CLSTN2: variants seen among roughly 807,000 people sequenced by gnomAD.
CLSTN2 encodes calsyntenin-2.
In CLSTN2, 48 loss-of-function variants were observed where a neutral mutation model predicts 101.2. The observed-to-expected ratio is 0.47, with a 90% CI of 0.38 to 0.60. The LOEUF (loss-of-function observed/expected upper bound fraction) is 0.60, where lower values mean the gene tolerates loss of function less well. Among genes scored for constraint, CLSTN2 ranks in the 20% least tolerant of loss-of-function variants. The pLI is 0.00. For synonymous variants in CLSTN2, 481 were observed against 463.6 expected (o/e 1.04, Z -0.48); for missense variants, 1,160 against 1,238.2 (o/e 0.94, Z 0.95).
Position 140,128,997 on chromosome 3 carries a change from A to G in CLSTN2, c.110-46954A>G, listed in dbSNP as rs371524468. Among the ~76,000 whole-genome samples the G allele has an allele frequency of 4.6e-5, 7 of 152,294 alleles. No homozygotes were observed. The South Asian group carries it at 8.3e-4, about 18-fold the overall frequency. ...GGGGTAGAGTCAATAGTGTTTCGAC[A>G]GTTAGGAGATCAGGAGTGTGAACAT... On this transcript the variant is annotated intron_variant, in intron 1 of 16. Coordinates refer to ENST00000458420, the MANE Select transcript of CLSTN2 (RefSeq NM_022131.3).
intron 2 of CLSTN2, among the ~76,000 whole-genome samples, chr3:140,220,820 A>T (rs578035507): frequency 1.3e-5 from 2 of 152,356 alleles, no homozygotes; most frequent in South Asian, 4.1e-4. Flanking sequence ...CAGAGAAGGA[A>T]AGGAGAGTGA....
chr3:140,132,024 A>G (rs1475219449), intron 1 of CLSTN2, among the ~76,000 whole-genome samples: 1 of 152,232 alleles, frequency 6.6e-6, no homozygotes, highest in Non-Finnish European at 1.5e-5. Context: ...AACAACCCCC[A>G]AAGTAATAAG....
chr3:140,482,209 T>C (rs2107752225), intron 8 of CLSTN2, among the ~76,000 whole-genome samples: 1 of 152,350 alleles, frequency 6.6e-6, no homozygotes, highest in Middle Eastern at 3.4e-3. Context: ...GAGATAATCA[T>C]GTGGTTTTTG....
intron 2 of CLSTN2, among the ~76,000 whole-genome samples, chr3:140,230,024 C>T (rs922729756): frequency 3.3e-5 from 5 of 152,116 alleles, no homozygotes; most frequent in East Asian, 3.9e-4. Context: ...TCTGTCTTCT[C>T]TAGTAGCCTG....
intron 8 of CLSTN2, among the ~76,000 whole-genome samples, chr3:140,522,364 T>C (rs1467726704): frequency 6.6e-6 from 1 of 152,214 alleles, no homozygotes; most frequent in Non-Finnish European, 1.5e-5. Context: ...TTACTAGTGT[T>C]TAAATTAGTG....
At chr3:140,089,034 G>A (rs1180407594) in intron 1 of CLSTN2, among the ~76,000 whole-genome samples, 2 of 152,136 alleles carry the variant, frequency 1.3e-5, no homozygotes, top group Admixed American at 6.5e-5. Flanking sequence ...ACATTAAAAT[G>A]GAACTAAAAA....
At chr3:139,955,100 A>G (rs1457564527) in intron 1 of CLSTN2, among the ~76,000 whole-genome samples, 2 of 131,008 alleles carry the variant, frequency 1.5e-5, no homozygotes, top group African/African-American at 2.7e-5. Context: ...ACATGTATAT[A>G]TGGCAATATT....
chr3:140,067,096 T>C (rs1433990151), intron 1 of CLSTN2, among the ~76,000 whole-genome samples: 1 of 152,152 alleles, frequency 6.6e-6, no homozygotes, highest in African/African-American at 2.4e-5. Flanking sequence ...AGAAGTCTTA[T>C]TCACTCAAAG....
At chr3:140,314,439 C>T (rs2087207348) in intron 2 of CLSTN2, among the ~76,000 whole-genome samples, 2 of 152,104 alleles carry the variant, frequency 1.3e-5, no homozygotes, top group African/African-American at 2.4e-5. Flanking sequence ...GTCCTGCTCC[C>T]GTTATACTGG....
chr3:140,336,660 G>A (rs1441390573), intron 2 of CLSTN2, among the ~76,000 whole-genome samples: 1 of 152,234 alleles, frequency 6.6e-6, no homozygotes, highest in East Asian at 1.9e-4. Flanking sequence ...GCTTTCATCA[G>A]CCTGTCAGAG....
intron 1 of CLSTN2, among the ~76,000 whole-genome samples, chr3:140,175,187 A>C (rs565151133): frequency 1.3e-5 from 2 of 152,310 alleles, no homozygotes; most frequent in African/African-American, 4.8e-5. Context: ...TGAGATTCTA[A>C]GTGTTAGGAT....
At chr3:140,339,673 G>A (rs1465876013) in intron 2 of CLSTN2, among the ~76,000 whole-genome samples, 4 of 152,182 alleles carry the variant, frequency 2.6e-5, no homozygotes, top group East Asian at 3.8e-4. Flanking sequence ...TGTCCTTAGC[G>A]AAATTACATT....
Position 140,357,592 on chromosome 3 carries a change from C to T in CLSTN2, c.233-46037C>T, listed in dbSNP as rs139202010. ...CTCGCCCTGTTGACCCAAGATGGTC[C>T]CTTTTGTGAGGGAGGCAAGCAGAGG... On this transcript the variant is annotated intron_variant, in intron 2 of 16. Coordinates refer to ENST00000458420, the MANE Select transcript of CLSTN2 (RefSeq NM_022131.3). Among the ~76,000 whole-genome samples, 539 of 152,150 alleles carry T rather than the reference C, an allele frequency of 3.5e-3. 5 individuals are homozygous for T. Among genetic ancestry groups the T allele is most frequent in the African/African-American group, 0.012 (512 of 41,504 alleles).
chr3:139,969,231 G>A (rs1484008164), intron 1 of CLSTN2, among the ~76,000 whole-genome samples: 1 of 152,170 alleles, frequency 6.6e-6, no homozygotes, highest in East Asian at 1.9e-4. Flanking sequence ...GCTACCAAAA[G>A]TAAAGCCTCC....
At position 140,570,870 on chromosome 3, in the gene CLSTN2, G is replaced by A. The variant is rs1415400577; in HGVS notation, c.*4617G>A. ...AGGAGAAAGCAAGCTGCTCTCATAA[G>A]CCTCTCACCAACTACCCAGTAGTCT... On this transcript the variant is annotated 3_prime_UTR_variant, in exon 17 of 17. Coordinates refer to ENST00000458420, the MANE Select transcript of CLSTN2 (RefSeq NM_022131.3). 1 of 152,218 alleles carries A rather than the reference G, an allele frequency of 6.6e-6. No homozygotes were observed. The highest frequency in any genetic ancestry group is 1.5e-5 in the Non-Finnish European group (1 of 68,046). The allele number at this position is 152,218 out of a possible 1,614,324, so 9.4% of individuals were successfully genotyped here.
intron 1 of CLSTN2, among the ~76,000 whole-genome samples, chr3:140,122,797 C>T (rs1019058623): frequency 6.6e-6 from 1 of 152,114 alleles, no homozygotes; most frequent in Non-Finnish European, 1.5e-5. Context: ...GCTTTGTGGG[C>T]TATATAGTTG....
At chr3:140,028,444 AG>A (rs2007468557) in intron 1 of CLSTN2, among the ~76,000 whole-genome samples, 1 of 152,180 alleles carries the variant, frequency 6.6e-6, no homozygotes, top group African/African-American at 2.4e-5. Flanking sequence ...TCTTGACACC[AG>A]GGACTCCAGA....
chr3:140,334,232 G>A (rs1370121574), intron 2 of CLSTN2, among the ~76,000 whole-genome samples: 3 of 152,144 alleles, frequency 2.0e-5, no homozygotes, highest in African/African-American at 7.2e-5. Context: ...GGGAGGAAGT[G>A]TTATCATGAA....
intron 4 of CLSTN2, among the ~76,000 whole-genome samples, chr3:140,410,866 C>G (rs1304141473): frequency 6.6e-6 from 1 of 152,088 alleles, no homozygotes; most frequent in East Asian, 1.9e-4. Flanking sequence ...TTAAAATAGA[C>G]TGGTACAACC....
Sources: allele counts gnomAD v4.1 joint callset (sites outside exome capture counted in the v4.1 genomes callset), GRCh38; gene constraint gnomAD v4.1.1; transcripts MANE v1.5; gene names NCBI Gene and HGNC (gene_info 2026-07-23, HGNC 2026-07-21).